The following SPIRE1 variants were observed in gnomAD, a reference collection of about 807,000 sequenced individuals.
The protein encoded by SPIRE1 is spire type actin nucleation factor 1, also known as protein spire homolog 1.
In SPIRE1, 40 loss-of-function variants were observed where a neutral mutation model predicts 94.1. That is an observed-to-expected ratio of 0.43 (90% confidence interval 0.33 to 0.55). The LOEUF (loss-of-function observed/expected upper bound fraction) is 0.55. SPIRE1 is among the 20% of genes least tolerant of loss of function. The probability of loss-of-function intolerance (pLI) is 0.06; values close to 1 mark genes in which losing one functional copy is unlikely to be tolerated. For missense variants in SPIRE1, 838 were observed against 975.2 expected (o/e 0.86, Z 1.87); for synonymous variants, 376 against 371.7 (o/e 1.01, Z -0.13).
chr18:12,527,113 C>T (rs1202182881), intron 4 of SPIRE1, among the ~76,000 whole-genome samples: 1 of 152,134 alleles, frequency 6.6e-6, no homozygotes, highest in Admixed American at 6.6e-5. Context: ...TGTGATGTCT[C>T]CATATGGATA....
intron 4 of SPIRE1, among the ~76,000 whole-genome samples, chr18:12,521,074 T>C (rs1439299797): frequency 1.3e-5 from 2 of 152,216 alleles, no homozygotes; most frequent in Non-Finnish European, 2.9e-5. Flanking sequence ...AATGTGGCTA[T>C]AAGATTTTAA....
intron 2 of SPIRE1, among the ~76,000 whole-genome samples, chr18:12,581,244 C>T (rs954702129): frequency 2.0e-5 from 3 of 152,124 alleles, no homozygotes; most frequent in Non-Finnish European, 4.4e-5. Flanking sequence ...GTCAATAATC[C>T]TGTGTTAGTC....
At chr18:12,619,860 A>AAAG in intron 2 of SPIRE1, among the ~76,000 whole-genome samples, 1 of 151,888 alleles carries the variant, frequency 6.6e-6, no homozygotes, top group African/African-American at 2.4e-5. Context: ...AAAAAAAAAA[A>AAAG]AAAAGCAAGA....
chr18:12,529,368 C>CAAA (rs145981470), intron 4 of SPIRE1, among the ~76,000 whole-genome samples: 1 of 126,434 alleles, frequency 7.9e-6, no homozygotes. Flanking sequence ...GACTCCGTCT[C>CAAA]AAAAAAAAAA....
chr18:12,495,657 A>T lies in SPIRE1; in HGVS notation c.1059+359T>A, dbSNP rs950827668. On this transcript the variant is annotated intron_variant, in intron 7 of 16. Coordinates refer to ENST00000409402, the MANE Select transcript of SPIRE1 (RefSeq NM_001128626.2). ...TAATCCCAACACTTCAGGAGGCTGA[A>T]GTGGGAGGACTGCTTGAGGCCAGGA... 2.0e-5 allele frequency among the ~76,000 whole-genome samples: 3 copies of T among 152,130 alleles called. 1 individual carries two copies. Among genetic ancestry groups the T allele is most frequent in the African/African-American group, 7.2e-5 (3 of 41,426 alleles).
chr18:12,551,953 CAGAG>C (rs1455047123), intron 2 of SPIRE1, among the ~76,000 whole-genome samples: 1 of 152,092 alleles, frequency 6.6e-6, no homozygotes, highest in East Asian at 1.9e-4. Context: ...CCATGGGCCG[CAGAG>C]AGAATCTGTG....
intron 4 of SPIRE1, among the ~76,000 whole-genome samples, chr18:12,518,320 T>C (rs1598430524): frequency 6.6e-6 from 1 of 152,152 alleles, no homozygotes; most frequent in East Asian, 1.9e-4. Context: ...ACATTTTTAA[T>C]AACTCAGTTA....
chr18:12,601,143 G>A (rs28886423), intron 2 of SPIRE1, among the ~76,000 whole-genome samples: 59,107 of 151,900 alleles, frequency 0.39, 12,214 homozygotes, highest in East Asian at 0.59. Context: ...TTTATTGGCT[G>A]GGTGCGGTGG....
At chr18:12,630,060 A>G (rs1005008981) in intron 2 of SPIRE1, among the ~76,000 whole-genome samples, 4 of 152,210 alleles carry the variant, frequency 2.6e-5, no homozygotes, top group Non-Finnish European at 5.9e-5. Context: ...ATTTTTAAGA[A>G]TATGGTAAAA....
At chr18:12,497,964 C>A (rs2033520407) in intron 6 of SPIRE1, among the ~76,000 whole-genome samples, 1 of 152,102 alleles carries the variant, frequency 6.6e-6, no homozygotes, top group Non-Finnish European at 1.5e-5. Flanking sequence ...ATCCTGGGTC[C>A]CAATTACAGA....
In SPIRE1 at chr18:12,453,085, G is replaced by T. The variant is rs1183539681; in HGVS notation, c.1830C>A (p.Thr610=). ...TACCTTACCTCTTACAGAACTGACA[G>T]GTATAAGACCAAGTGAAGAAGGAAA... ...RRFSFFTWSY[T]CQFCKRPVCS... The change falls in exon 14 of 17, where the codon ACC becomes ACA. Residue 610 remains threonine (T), a synonymous_variant. Transcript: ENST00000409402. 1 of 1,596,192 alleles carries T rather than the reference G, an allele frequency of 6.3e-7. No homozygotes were observed. The highest frequency in any genetic ancestry group is 2.3e-5 in the East Asian group (1 of 44,328).
intron 2 of SPIRE1, among the ~76,000 whole-genome samples, chr18:12,586,243 T>C (rs1468263950): frequency 2.6e-5 from 4 of 152,214 alleles, no homozygotes; most frequent in Non-Finnish European, 5.9e-5. Flanking sequence ...CATGAGCCTC[T>C]ATATCTGGCC....
chr18:12,453,519 C>T (rs1598882428), intron 13 of SPIRE1, among the ~76,000 whole-genome samples: 1 of 151,348 alleles, frequency 6.6e-6, no homozygotes, highest in Non-Finnish European at 1.5e-5. Flanking sequence ...CTGCAAGCTC[C>T]GCCTCCTGGG....
chr18:12,492,205 C>T (rs961438762), intron 8 of SPIRE1, among the ~76,000 whole-genome samples: 2 of 152,048 alleles, frequency 1.3e-5, no homozygotes, highest in Non-Finnish European at 2.9e-5. Context: ...CTTTGAAGTC[C>T]AAGAGTCTGA....
At chr18:12,548,146 T>C (rs905304448) in intron 2 of SPIRE1, among the ~76,000 whole-genome samples, 3 of 152,188 alleles carry the variant, frequency 2.0e-5, no homozygotes, top group African/African-American at 7.2e-5. Flanking sequence ...ATATCTGACT[T>C]ATTACAGGGA....
At chr18:12,557,161 T>C (rs533006954) in intron 2 of SPIRE1, among the ~76,000 whole-genome samples, 7 of 152,264 alleles carry the variant, frequency 4.6e-5, no homozygotes, top group African/African-American at 1.7e-4. Context: ...CCTCAGCCCT[T>C]GGGCAGTCAA....
chr18:12,629,695 TAAC>T (rs1598557469), intron 2 of SPIRE1, among the ~76,000 whole-genome samples: 1 of 152,126 alleles, frequency 6.6e-6, no homozygotes. Flanking sequence ...TAGGGATAGT[TAAC>T]AACAAAATAT....
intron 2 of SPIRE1, among the ~76,000 whole-genome samples, chr18:12,613,159 T>G (rs1167030614): frequency 6.6e-6 from 1 of 152,208 alleles, no homozygotes; most frequent in East Asian, 1.9e-4. Flanking sequence ...TAAACTTTTG[T>G]TTTTTAAAGT....
intron 8 of SPIRE1, among the ~76,000 whole-genome samples, chr18:12,486,309 G>C (rs775769266): frequency 2.6e-5 from 4 of 152,114 alleles, no homozygotes; most frequent in Non-Finnish European, 5.9e-5. Flanking sequence ...TAAGATGTTT[G>C]ACTTAAATAT....
Sources: allele counts gnomAD v4.1 joint callset (sites outside exome capture counted in the v4.1 genomes callset), GRCh38; gene constraint gnomAD v4.1.1; transcripts MANE v1.5; gene names NCBI Gene and HGNC (gene_info 2026-07-23, HGNC 2026-07-21).